P2RX6: variants seen among roughly 807,000 people sequenced by gnomAD.
The protein encoded by P2RX6 is purinergic receptor P2X 6.
A neutral mutation model predicts 54.2 loss-of-function variants in P2RX6; 62 were observed. That is an observed-to-expected ratio of 1.14 (90% CI 0.93 to 1.41). The LOEUF (loss-of-function observed/expected upper bound fraction) is 1.41. Ranked by LOEUF, P2RX6 falls within the 40% of genes most tolerant of loss-of-function variation. The pLI, the probability that P2RX6 is intolerant of heterozygous loss-of-function variation, is 0.00. For missense variants in P2RX6, 541 were observed against 566.3 expected (o/e 0.96, Z 0.45); for synonymous variants, 211 against 231.9 (o/e 0.91, Z 0.82).
chr22:21,015,860 A>G, intron 1 of P2RX6, 82 bp from the exon 2 acceptor site: 3 of 1,394,136 alleles, frequency 2.2e-6, no homozygotes, highest in Non-Finnish European at 2.9e-6. Context: ...GTGTGGGGGG[A>G]GAACTGAGCA....
intron 1 of P2RX6, 86 bp from the exon 2 acceptor site, chr22:21,015,856 G>T (rs1361755576): frequency 7.2e-7 from 1 of 1,389,698 alleles, no homozygotes; most frequent in Non-Finnish European, 9.8e-7. Flanking sequence ...TAGGGTGTGG[G>T]GGGAGAACTG....
chr22:21,013,449 G>C (rs1384314027), upstream of P2RX6, among the ~76,000 whole-genome samples: 1 of 152,212 alleles, frequency 6.6e-6, no homozygotes, highest in Non-Finnish European at 1.5e-5. Flanking sequence ...AAATTAGCCA[G>C]ATGTGGTAGC....
At chr22:21,015,129 T>G, upstream of P2RX6, 2 of 1,292,808 alleles carry the variant, frequency 1.5e-6, no homozygotes, top group Non-Finnish European at 2.1e-6. Flanking sequence ...GCTCGGGCCC[T>G]GCTTTGCCTC....
rs1928391353 is a variant in P2RX6, at chr22:21,026,070, G to A, written c.1044G>A (p.Leu348=). 1 of 1,610,400 alleles carries A rather than the reference G, an allele frequency of 6.2e-7. No homozygotes were observed. Among genetic ancestry groups the A allele is most frequent in the East Asian group, 2.2e-5 (1 of 44,776 alleles). Residue 348 remains leucine (L), a synonymous_variant, in exon 10 of 12, where the codon CTG becomes CTA. Coordinates refer to ENST00000413302, the MANE Select transcript of P2RX6 (RefSeq NM_005446.5). This position sits in a 1 kb window ranked among gnomAD's most constrained non-coding sequence, Gnocchi z 4.0. ...CACTGGGCACCGGGGCAGCTTGGCT[G>A]GGCGTGGTGAGTGCGAGCACTGTGG... ...AVTLGTGAAW[L]GVVTFFCDLL...
upstream of P2RX6, chr22:21,011,318 AC>A (rs1479299617): frequency 1.7e-6 from 1 of 589,072 alleles, no homozygotes; most frequent in South Asian, 2.1e-5. Flanking sequence ...GGTCCTGCCA[AC>A]CCCCACCCAT....
chr22:21,025,271 T>C (rs932887414), intron 8 of P2RX6, among the ~76,000 whole-genome samples: 3 of 152,152 alleles, frequency 2.0e-5, no homozygotes, highest in African/African-American at 7.2e-5. Context: ...CACCTCGTCA[T>C]GCAGGCAGGC....
upstream of P2RX6, among the ~76,000 whole-genome samples, chr22:21,014,555 T>C (rs144508231): frequency 2.0e-5 from 3 of 152,258 alleles, no homozygotes; most frequent in African/African-American, 7.2e-5. Flanking sequence ...TCGCCCCCCT[T>C]TCGTGGACTG....
At chr22:21,019,227 C>T (rs925123219) in intron 3 of P2RX6, among the ~76,000 whole-genome samples, 2 of 151,762 alleles carry the variant, frequency 1.3e-5, no homozygotes, top group Non-Finnish European at 2.9e-5. Flanking sequence ...CAGCTGTCCC[C>T]TGAGCCCTGG....
At chr22:21,019,624 C>A (rs1392961651) in intron 3 of P2RX6, among the ~76,000 whole-genome samples, 1 of 152,184 alleles carries the variant, frequency 6.6e-6, no homozygotes, top group Non-Finnish European at 1.5e-5. Context: ...GTCGGGGAGA[C>A]CTGAACCCAG....
chr22:21,011,109 C>T (rs1925713879), upstream of P2RX6, among the ~76,000 whole-genome samples: 1 of 151,660 alleles, frequency 6.6e-6, no homozygotes, highest in Admixed American at 6.6e-5. Flanking sequence ...TTAACATTGT[C>T]CCTTGAGGTC....
Position 21,020,652 on chromosome 22 carries a change from G to A in P2RX6, c.388-2024G>A, listed in dbSNP as rs573538888. Among the ~76,000 whole-genome samples, 12 of 148,588 alleles carry A rather than the reference G, an allele frequency of 8.1e-5. 1 individual carries two copies. In the Middle Eastern group the frequency reaches 0.014, roughly 170 times the overall value. On this transcript the variant is annotated intron_variant, in intron 3 of 11. Transcript: ENST00000413302. ...GTCACCCAGGCTGGAGTGCAGTGGC[G>A]TGATCTCGGCTCACTGCACACCTCC... is the stretch of plus-strand genomic sequence containing the variant.
intron 3 of P2RX6, among the ~76,000 whole-genome samples, chr22:21,019,580 C>T (rs1311333985): frequency 6.6e-6 from 1 of 152,246 alleles, no homozygotes; most frequent in Non-Finnish European, 1.5e-5. Context: ...TCTCAAAGTG[C>T]TGGGATTACA....
At chr22:21,021,619 G>T (rs2148049857) in intron 3 of P2RX6, among the ~76,000 whole-genome samples, 1 of 152,242 alleles carries the variant, frequency 6.6e-6, no homozygotes, top group South Asian at 2.1e-4. Flanking sequence ...CCTTCCTTGC[G>T]CCCCTGGTGC....
In P2RX6 at chr22:21,023,552, A is replaced by T; in HGVS notation, c.824A>T (p.Asp275Val). The T allele has an allele frequency of 6.2e-7, 1 of 1,613,684 alleles. No homozygotes were observed. ...AGAGTTCACTGGGATTGTGACCTGG[A>T]CACCGGGGACTCTGGCTGCTGGCCT... is the stretch of plus-strand genomic sequence containing the variant. Reference protein sequence around the residue: ...GIRVHWDCDLDTGDSGCWPHY... With the variant: ...GIRVHWDCDLVTGDSGCWPHY... Residue 275 changes from aspartate to valine, a missense_variant, in exon 8 of 12, where the codon GAC becomes GTC. Physicochemically the swap from Asp to Val is radical, Grantham distance 152. This residue lies in a region of P2RX6 where 526 missense variants were observed against 531.5 expected (regional missense o/e 0.99). Transcript: ENST00000413302.
At chr22:21,025,698 C>A in intron 8 of P2RX6, 107 bp from the exon 9 acceptor site, 2 of 770,850 alleles carry the variant, frequency 2.6e-6, no homozygotes, top group Non-Finnish European at 4.4e-6. Context: ...CAGGCTTGGG[C>A]TGGGGGTTTA....
At chr22:21,023,451 G>T (rs1488289918) in intron 7 of P2RX6, 35 bp downstream of exon 7, 2 of 1,613,812 alleles carry the variant, frequency 1.2e-6, no homozygotes, top group East Asian at 4.5e-5. Flanking sequence ...TTCCTAGAGG[G>T]CTCTGGGAGA....
In P2RX6 at chr22:21,023,366, G is replaced by T. The variant is rs1569177914; in HGVS notation, c.730G>T (p.Gly244Trp). ...FSPYCPVFRI[G>W]DLVAKAGGTF... ...CCCCTACTGTCCCGTGTTCCGCATT[G>T]GGGACCTCGTGGCCAAGGCTGGAGG... The change falls in exon 7 of 12, where the codon GGG (glycine) becomes TGG (tryptophan). Residue 244 changes from glycine to tryptophan, a missense_variant. Gly to Trp is a radical substitution (Grantham distance 184, BLOSUM62 -2). Transcript: ENST00000413302. 1 of 1,613,978 alleles carries T rather than the reference G, an allele frequency of 6.2e-7. No individual in the cohort carries two copies. Among genetic ancestry groups the T allele is most frequent in the East Asian group, 2.2e-5 (1 of 44,886 alleles).
chr22:21,023,464 G>A (rs758426701), intron 7 of P2RX6, 45 bp from the exon 8 acceptor site: 8 of 1,613,632 alleles, frequency 5.0e-6, no homozygotes, highest in Non-Finnish European at 6.8e-6. Context: ...CTGGGAGAGG[G>A]TCCCGGGCCC....
At position 21,015,337 on chromosome 22, in the gene P2RX6, G is replaced by T. The variant is rs754615466; in HGVS notation, c.163G>T (p.Gly55Trp). 5 of 1,552,762 alleles carry T rather than the reference G, an allele frequency of 3.2e-6. No individual in the cohort carries two copies. In the Admixed American group the frequency reaches 8.6e-5, roughly 27 times the overall value. The change falls in exon 1 of 12, where the codon GGG becomes TGG. Residue 55 changes from glycine (G) to tryptophan (W), a missense_variant and splice_region_variant. Physicochemically the swap from Gly to Trp is radical, Grantham distance 184. Around this residue, in one of 2 missense-constraint regions of P2RX6, gnomAD observed 526 missense variants for 531.5 expected, o/e 0.99. Transcript: ENST00000413302. ...GTTTGGGATCGTGGTCTATGTGGTA[G>T]GGTAAGAGAGAAGAGCTTTTGGCCA... The part of the protein sequence containing the change: ...LQFGIVVYVV[G>W]WALLAKKGYQ...
Sources: gnomAD v4.1 joint callset for allele counts (sites outside exome capture counted in the v4.1 genomes callset) on GRCh38, gnomAD v4.1.1 for gene constraint, gnomAD v4.1.1 regional missense constraint, Gnocchi (gnomAD v3.1) non-coding constraint, MANE v1.5 for transcripts, NCBI Gene and HGNC (gene_info 2026-07-23, HGNC 2026-07-21) for gene names.